The following WDPCP variants were observed in gnomAD, a reference collection of about 807,000 sequenced individuals.
WDPCP encodes the protein WD repeat containing planar cell polarity effector.
Under a neutral mutation model 93.1 loss-of-function variants are expected in WDPCP, and 71 were observed. The observed-to-expected ratio is 0.76, with a 90% CI of 0.63 to 0.93. WDPCP has a LOEUF of 0.93. Among genes scored for constraint, WDPCP ranks in the 40% least tolerant of loss-of-function variants. The pLI, the probability that WDPCP is intolerant of heterozygous loss-of-function variation, is 0.00. For missense variants in WDPCP, 844 were observed against 887.4 expected (o/e 0.95, Z 0.62); for synonymous variants, 315 against 315.0 (o/e 1.00, Z 0.00).
intron 1 of WDPCP, among the ~76,000 whole-genome samples, chr2:63,508,660 C>T (rs1012281698): frequency 6.6e-6 from 1 of 152,032 alleles, no homozygotes; most frequent in Non-Finnish European, 1.5e-5. Flanking sequence ...AGAGACAGGA[C>T]CCATCAGTGT....
At chr2:63,720,415 T>TCAAAAAAAAAAAAA (rs1167952657) in intron 2 of WDPCP, among the ~76,000 whole-genome samples, 2 of 145,222 alleles carry the variant, frequency 1.4e-5, no homozygotes, top group Non-Finnish European at 1.5e-5. Flanking sequence ...AGACTCTACC[T>TCAAAAAAAAAAAAA]TAAAAAAAAA....
At chr2:63,316,091 T>C (rs1686616487) in intron 12 of WDPCP, among the ~76,000 whole-genome samples, 1 of 151,882 alleles carries the variant, frequency 6.6e-6, no homozygotes, top group Non-Finnish European at 1.5e-5. Context: ...AAAGAATTGG[T>C]GAAATAAAAG....
intron 3 of WDPCP, among the ~76,000 whole-genome samples, chr2:63,617,367 T>C (rs184709621): frequency 6.6e-6 from 1 of 152,184 alleles, no homozygotes. Flanking sequence ...TTCATACGTG[T>C]TTGAGAGGGA....
chr2:63,139,081 G>T (rs1350422008), intron 17 of WDPCP, among the ~76,000 whole-genome samples: 1 of 151,996 alleles, frequency 6.6e-6, no homozygotes, highest in Non-Finnish European at 1.5e-5. Context: ...ATGTATGTGT[G>T]TGTATATATA....
At position 63,486,568 on chromosome 2, in the gene WDPCP, A is replaced by G. The variant is rs1196288563; in HGVS notation, c.227T>C (p.Leu76Ser). The stretch of plus-strand genomic sequence containing the variant: ...CTCTGCCAGCTTCTGCTTCTTTTCT[A>G]AGTTACCATGCTCTGTCGCTGATAT... ...KDPPATEHGN[L>S]EKKQKLAESR... Residue 76 changes from leucine to serine, a missense_variant, in exon 4 of 18, where the codon TTA (leucine) becomes TCA (serine). Leu to Ser is a moderately radical substitution (Grantham distance 145). Transcript: ENST00000272321. 60 of 1,577,546 alleles carry G rather than the reference A, an allele frequency of 3.8e-5. No individual in the cohort carries two copies. The highest frequency in any genetic ancestry group is 5.0e-5 in the Non-Finnish European group (58 of 1,158,414).
intron 15 of WDPCP, among the ~76,000 whole-genome samples, chr2:63,172,775 G>A (rs186685335): frequency 6.6e-6 from 1 of 152,284 alleles, no homozygotes; most frequent in East Asian, 1.9e-4. Context: ...GTACATCGGA[G>A]CATGGACTAC....
At chr2:63,354,224 C>A (rs1326633490) in intron 12 of WDPCP, among the ~76,000 whole-genome samples, 1 of 152,150 alleles carries the variant, frequency 6.6e-6, no homozygotes, top group Non-Finnish European at 1.5e-5. Context: ...CTGGCTTGGG[C>A]CCACAGCACA....
intron 3 of WDPCP, chr2:63,606,988 C>G (rs1709545707): frequency 6.2e-7 from 1 of 1,609,842 alleles, no homozygotes; most frequent in African/African-American, 1.3e-5. Context: ...CTCTGCCTGA[C>G]TAGACAATGA....
chr2:63,383,438 G>A (rs1440008957), intron 10 of WDPCP, among the ~76,000 whole-genome samples: 3 of 152,280 alleles, frequency 2.0e-5, no homozygotes, highest in Non-Finnish European at 2.9e-5. Context: ...TTGGTGCCCA[G>A]GGGCAGTGGT....
chr2:63,503,325 T>G (rs560747248), intron 1 of WDPCP, among the ~76,000 whole-genome samples: 56 of 152,350 alleles, frequency 3.7e-4, no homozygotes, highest in African/African-American at 1.3e-3. Flanking sequence ...TCTAGGTTCC[T>G]ATTAATACAA....
chr2:63,159,374 T>A (rs538621688), intron 15 of WDPCP, among the ~76,000 whole-genome samples: 1 of 152,118 alleles, frequency 6.6e-6, no homozygotes, highest in South Asian at 2.1e-4. Context: ...TACTGGTGCA[T>A]GCCACCATGC....
chr2:63,152,935 C>T lies in WDPCP; in HGVS notation c.2169G>A (p.Leu723=), dbSNP rs746225322. 1.9e-6 allele frequency: 3 copies of T among 1,612,712 alleles called. No individual in the cohort carries two copies. Among genetic ancestry groups the T allele is most frequent in the South Asian group, 1.1e-5 (1 of 91,004 alleles). The change falls in exon 17 of 18, where the codon CTG becomes CTA. Residue 723 remains leucine, a synonymous_variant. Transcript: ENST00000272321. ...TTACCTGTTCTCTGCCGTCTTCTCT[C>T]AGTTCTCCGTCTAAAGTAAAAGATT... ...TNTCNAEDGE[L]REDGREQEIR... is the part of the protein sequence containing the mutation.
chr2:63,226,847 T>C (rs1478363826), intron 14 of WDPCP, among the ~76,000 whole-genome samples: 1 of 151,902 alleles, frequency 6.6e-6, no homozygotes, highest in African/African-American at 2.4e-5. Context: ...ACATGGTAAC[T>C]ATCTACTGTA....
At chr2:63,671,215 A>G (rs80082226) in intron 2 of WDPCP, among the ~76,000 whole-genome samples, 173 of 152,228 alleles carry the variant, frequency 1.1e-3, no homozygotes, top group African/African-American at 4.0e-3. Context: ...GTAATTGATT[A>G]AGGGTCCAGC....
intron 1 of WDPCP, among the ~76,000 whole-genome samples, chr2:63,542,456 C>T (rs1279849608): frequency 2.0e-5 from 3 of 152,146 alleles, no homozygotes; most frequent in Non-Finnish European, 2.9e-5. Flanking sequence ...TATTCAGCCC[C>T]CTGGGTAATG....
At chr2:63,516,521 A>G (rs904599205) in intron 1 of WDPCP, among the ~76,000 whole-genome samples, 4 of 152,154 alleles carry the variant, frequency 2.6e-5, no homozygotes, top group Non-Finnish European at 5.9e-5. Context: ...TGAGAGGGGT[A>G]GCCAGCCACT....
intron 7 of WDPCP, 21 bp from the exon 8 acceptor site, chr2:63,437,575 T>A (rs1697219704): frequency 4.5e-6 from 7 of 1,558,182 alleles, no homozygotes; most frequent in Non-Finnish European, 6.1e-6. Context: ...TAATTAGATA[T>A]TACCAAGTTA....
In WDPCP at chr2:63,742,263, G is replaced by GAGGA. The variant is rs377587684; in HGVS notation, n.308+71355_308+71358dup. Among the ~76,000 whole-genome samples the GAGGA allele has an allele frequency of 4.1e-3, 622 of 151,976 alleles. 3 individuals are homozygous for GAGGA. The highest frequency in any genetic ancestry group is 0.014 in the African/African-American group (583 of 41,480). On this transcript the variant is annotated intron_variant and non_coding_transcript_variant, in intron 2 of 4. Coordinates refer to the WDPCP transcript ENST00000467687. ...AGAAGAGAAAAGGAAGGAAGGGAGG[G>GAGGA]AGGAAGGAAGGAAGGGAGAGAGGGA...
intron 2 of WDPCP, among the ~76,000 whole-genome samples, chr2:63,735,690 A>G (rs536057942): frequency 2.6e-5 from 4 of 152,324 alleles, no homozygotes; most frequent in African/African-American, 9.6e-5. Flanking sequence ...GTCTATTACC[A>G]TGGTCCAAAA....
Sources: gnomAD v4.1 joint callset for allele counts (sites outside exome capture counted in the v4.1 genomes callset) on GRCh38, gnomAD v4.1.1 for gene constraint, MANE v1.5 for transcripts, NCBI Gene and HGNC (gene_info 2026-07-23, HGNC 2026-07-21) for gene names.